CTNND2: variants seen among roughly 807,000 people sequenced by gnomAD.
The protein encoded by CTNND2 is catenin delta 2, also known as catenin delta-2.
CTNND2 carries 22 observed loss-of-function variants against 144.4 expected under a neutral mutation model. That is an observed-to-expected ratio of 0.15 (90% CI 0.11 to 0.22). The LOEUF (loss-of-function observed/expected upper bound fraction) is 0.22, where lower values mean the gene tolerates loss of function less well. Ranked by LOEUF, CTNND2 falls within the 10% of genes least tolerant of loss-of-function variation. CTNND2 has a pLI of 1.00. For missense variants in CTNND2, 1,353 were observed against 1,618.8 expected, an observed-to-expected ratio of 0.84 and a Z score of 2.82; for synonymous variants, 751 against 695.6, an observed-to-expected ratio of 1.08 and a Z score of -1.25.
chr5:11,408,896 C>T (rs1458073331), intron 5 of CTNND2, among the ~76,000 whole-genome samples: 1 of 151,992 alleles, frequency 6.6e-6, no homozygotes, highest in East Asian at 1.9e-4. Context: ...CTATTTATCT[C>T]TTCTGGCATT....
At chr5:11,017,418 C>G (rs772471616) in intron 18 of CTNND2, among the ~76,000 whole-genome samples, 17 of 151,878 alleles carry the variant, frequency 1.1e-4, no homozygotes, top group Non-Finnish European at 2.4e-4. Flanking sequence ...TTCCTTCTGG[C>G]CAGTAACACT....
At chr5:10,983,302 T>C (rs57779455) in intron 20 of CTNND2, among the ~76,000 whole-genome samples, 4,117 of 152,254 alleles carry the variant, frequency 0.027, 192 homozygotes, top group African/African-American at 0.094. Flanking sequence ...AAATTTTTTT[T>C]TAAAAAAGCT....
At chr5:11,324,652 A>G (rs975038832) in intron 9 of CTNND2, among the ~76,000 whole-genome samples, 2 of 152,302 alleles carry the variant, frequency 1.3e-5, no homozygotes, top group East Asian at 1.9e-4. Flanking sequence ...TTATTGGCAG[A>G]GCAGAATTCT....
In CTNND2 at chr5:11,015,116, G is replaced by A. The variant is rs551195692; in HGVS notation, c.3084+2858C>T. Among the ~76,000 whole-genome samples, 10 of 152,196 alleles carry A rather than the reference G, an allele frequency of 6.6e-5. No homozygotes were observed. In the East Asian group the frequency reaches 1.3e-3, roughly 21 times the overall value. On this transcript the variant is annotated intron_variant, in intron 18 of 21. Transcript: ENST00000304623. ...GAATAGATGTTTAATAAATAGATTC[G>A]AAGCATGGATAATTAAAAGATATGG...
chr5:11,650,995 G>T (rs895281065), intron 2 of CTNND2, among the ~76,000 whole-genome samples: 17 of 152,212 alleles, frequency 1.1e-4, no homozygotes, highest in African/African-American at 3.6e-4. Context: ...GCCAGCTGCA[G>T]AAATTTGCAT....
intron 11 of CTNND2, among the ~76,000 whole-genome samples, chr5:11,168,670 T>A (rs763978820): frequency 3.0e-4 from 45 of 152,236 alleles, no homozygotes; most frequent in Non-Finnish European, 5.3e-4. Flanking sequence ...TATACTCTTT[T>A]ATCTGACAGC....
At chr5:11,405,008 T>G (rs893852153) in intron 5 of CTNND2, among the ~76,000 whole-genome samples, 3 of 152,290 alleles carry the variant, frequency 2.0e-5, no homozygotes. Context: ...CGGGGAAAAG[T>G]CTGCTTATTC....
At chr5:11,123,947 T>C (rs1291245030) in intron 12 of CTNND2, among the ~76,000 whole-genome samples, 1 of 152,230 alleles carries the variant, frequency 6.6e-6, no homozygotes. Context: ...TTATGGCCTT[T>C]AGACCAATGG....
chr5:11,188,392 A>T (rs1224130090), intron 11 of CTNND2, among the ~76,000 whole-genome samples: 2 of 152,180 alleles, frequency 1.3e-5, no homozygotes, highest in Non-Finnish European at 2.9e-5. Context: ...TTAACTTAAA[A>T]GTAGGAGCTA....
chr5:11,104,825 A>G (rs2905992), intron 14 of CTNND2, among the ~76,000 whole-genome samples: 113,617 of 152,072 alleles, frequency 0.75, 43,633 homozygotes, highest in African/African-American at 0.93. Context: ...GACAGGAGGG[A>G]CTTTGCATTT....
intron 8 of CTNND2, among the ~76,000 whole-genome samples, chr5:11,351,100 A>AT (rs1350693612): frequency 6.6e-6 from 1 of 152,190 alleles, no homozygotes; most frequent in African/African-American, 2.4e-5. Flanking sequence ...GGATAAATTA[A>AT]TATCAGTCAC....
intron 9 of CTNND2, among the ~76,000 whole-genome samples, chr5:11,337,198 A>C (rs959240341): frequency 2.6e-5 from 4 of 152,246 alleles, no homozygotes; most frequent in Non-Finnish European, 5.9e-5. Context: ...GATTTTAAAT[A>C]CAATCTGTGC....
intron 2 of CTNND2, among the ~76,000 whole-genome samples, chr5:11,714,090 A>C (rs909413100): frequency 3.3e-5 from 5 of 152,174 alleles, no homozygotes; most frequent in Non-Finnish European, 7.3e-5. Context: ...GTGATGGCTT[A>C]ATTTATTTTT....
chr5:11,736,858 C>T (rs1787708433), intron 1 of CTNND2, among the ~76,000 whole-genome samples: 2 of 152,146 alleles, frequency 1.3e-5, no homozygotes. Flanking sequence ...ATAACTTATT[C>T]TGTACAATGT....
chr5:11,820,946 G>A (rs1793276449), intron 1 of CTNND2, among the ~76,000 whole-genome samples: 1 of 152,212 alleles, frequency 6.6e-6, no homozygotes, highest in Admixed American at 6.5e-5. Context: ...CAGAGGGATT[G>A]ACAATTCACA....
At chr5:11,237,315 A>G (rs943065808) in intron 9 of CTNND2, among the ~76,000 whole-genome samples, 28 of 152,194 alleles carry the variant, frequency 1.8e-4, no homozygotes, top group African/African-American at 6.3e-4. Flanking sequence ...CAGCGCGCCC[A>G]GCCTAGTAAA....
chr5:11,103,685 CA>C (rs1291701139), intron 14 of CTNND2, among the ~76,000 whole-genome samples: 5 of 146,972 alleles, frequency 3.4e-5, no homozygotes, highest in African/African-American at 1.3e-4. Context: ...AAAAACAAAA[CA>C]AAAAAACCCC....
chr5:11,447,342 C>CA (rs1166103735), intron 3 of CTNND2, among the ~76,000 whole-genome samples: 6,168 of 95,046 alleles, frequency 0.065, 423 homozygotes, highest in African/African-American at 0.21. Flanking sequence ...ATGCCGTTTA[C>CA]AAAAAAAAAA....
intron 2 of CTNND2, among the ~76,000 whole-genome samples, chr5:11,684,108 T>A (rs1049061154): frequency 1.3e-5 from 2 of 151,926 alleles, no homozygotes; most frequent in Admixed American, 1.3e-4. Context: ...TTTTATTTTT[T>A]ATTTTTTTTT....
Sources: gnomAD v4.1 joint callset for allele counts (sites outside exome capture counted in the v4.1 genomes callset) on GRCh38, gnomAD v4.1.1 for gene constraint, MANE v1.5 for transcripts, NCBI Gene and HGNC (gene_info 2026-07-23, HGNC 2026-07-21) for gene names.